Variants in UNC5B observed in about 807,000 individuals in gnomAD.
UNC5B encodes netrin receptor UNC5B.
UNC5B carries 56 observed loss-of-function variants against 103.7 expected under a neutral mutation model. The ratio of observed to expected loss-of-function variants is 0.54; its 90% CI spans 0.44 to 0.67. The LOEUF (loss-of-function observed/expected upper bound fraction) is 0.67. Ranked by LOEUF, UNC5B falls within the 30% of genes least tolerant of loss-of-function variation. The probability of loss-of-function intolerance (pLI) is 0.00; values close to 1 mark genes in which losing one functional copy is unlikely to be tolerated. For missense variants in UNC5B, 1,194 were observed against 1,284.5 expected (o/e 0.93, Z 1.08); for synonymous variants, 577 against 542.0 (o/e 1.06, Z -0.90).
At chr10:71,260,559 G>A (rs1844394118) in intron 1 of UNC5B, among the ~76,000 whole-genome samples, 1 of 152,230 alleles carries the variant, frequency 6.6e-6, no homozygotes, top group African/African-American at 2.4e-5. Flanking sequence ...CAGGGCCCTT[G>A]GTCATCTGGG....
chr10:71,227,008 G>A (rs111863040), intron 1 of UNC5B, among the ~76,000 whole-genome samples: 2,167 of 143,880 alleles, frequency 0.015, 25 homozygotes, highest in Middle Eastern at 0.034. Context: ...TCCTTGAAAC[G>A]GAGTCTTGCT....
rs376626017 is a variant in UNC5B at position 71,298,007 on chromosome 10, C to T, written c.2589C>T (p.Arg863=). Residue 863 remains arginine (R), a synonymous_variant, in exon 16 of 17, where the codon CGC becomes CGT. Transcript: ENST00000335350. ...PYAFKIPLSI[R]QKICNSLDAP... is the part of the protein sequence containing the mutation. ...CCTTCAAGATCCCACTGTCCATCCG[C>T]CAGAAGATATGCAACAGCCTAGATG... The T allele has an allele frequency of 1.2e-6, 2 of 1,614,036 alleles. No individual in the cohort carries two copies. The highest frequency in any genetic ancestry group is 1.7e-6 in the Non-Finnish European group (2 of 1,180,026).
chr10:71,234,965 C>G (rs1039751852), intron 1 of UNC5B, among the ~76,000 whole-genome samples: 2 of 152,176 alleles, frequency 1.3e-5, no homozygotes, highest in African/African-American at 4.8e-5. Context: ...GATAGATTCC[C>G]ACTGGTCTCC....
chr10:71,292,715 G>A (rs188066276), intron 11 of UNC5B, among the ~76,000 whole-genome samples, 161 bp downstream of exon 11: 23 of 152,308 alleles, frequency 1.5e-4, no homozygotes, highest in East Asian at 3.9e-4. Flanking sequence ...AACCAACACC[G>A]TAAATTGTAA....
rs1357071333 is a variant in UNC5B at position 71,300,514 on chromosome 10, C to T, written c.*1237C>T. 6.6e-6 allele frequency: 1 copy of T among 152,342 alleles called. No homozygotes were observed. Among genetic ancestry groups the T allele is most frequent in the African/African-American group, 2.4e-5 (1 of 41,456 alleles). 9.4% of individuals were successfully genotyped at this position (152,342 alleles called of 1,614,324 possible). ...GGGAGTCCTCCACGGGCATCTCTCT[C>T]CTGGCGGCTGGATAGCTTTACCCTA... is the stretch of plus-strand genomic sequence containing the variant. On this transcript the variant is annotated 3_prime_UTR_variant, in exon 17 of 17. Coordinates refer to ENST00000335350, the MANE Select transcript of UNC5B (RefSeq NM_170744.5).
intron 1 of UNC5B, among the ~76,000 whole-genome samples, chr10:71,223,306 C>G (rs80342704): frequency 0.011 from 1,665 of 152,330 alleles, 14 homozygotes; most frequent in Non-Finnish European, 0.017. Context: ...TCAGGCCTTA[C>G]TCACCCGAGA....
chr10:71,227,405 T>C (rs147997280), intron 1 of UNC5B, among the ~76,000 whole-genome samples: 267 of 151,056 alleles, frequency 1.8e-3, no homozygotes, highest in South Asian at 3.1e-3. Flanking sequence ...TAATGGACTT[T>C]AGGGAGATGG....
intron 1 of UNC5B, among the ~76,000 whole-genome samples, chr10:71,240,404 A>G (rs1843873107): frequency 6.6e-6 from 1 of 152,236 alleles, no homozygotes; most frequent in African/African-American, 2.4e-5. Flanking sequence ...CAGTAACCCC[A>G]GGAAGGAAGG....
chr10:71,250,397 G>T (rs934841689), intron 1 of UNC5B, among the ~76,000 whole-genome samples: 14 of 152,366 alleles, frequency 9.2e-5, no homozygotes, highest in African/African-American at 3.4e-4. Context: ...GGCCTGGCTT[G>T]GGTGTGTGGA....
intron 15 of UNC5B, among the ~76,000 whole-genome samples, chr10:71,296,943 G>A (rs958041978): frequency 1.4e-5 from 2 of 139,138 alleles, no homozygotes; most frequent in Admixed American, 7.1e-5. Flanking sequence ...GCTGGCGGAG[G>A]TGAGGGAAGG....
chr10:71,227,627 T>TAC (rs1843592666), intron 1 of UNC5B, among the ~76,000 whole-genome samples: 1 of 144,648 alleles, frequency 6.9e-6, no homozygotes, highest in African/African-American at 2.6e-5. Context: ...TATACATATA[T>TAC]ACATATATAT....
At chr10:71,245,146 G>C (rs74145395) in intron 1 of UNC5B, among the ~76,000 whole-genome samples, 4,050 of 152,230 alleles carry the variant, frequency 0.027, 169 homozygotes, top group African/African-American at 0.088. Context: ...GACCACTTTT[G>C]AAAAGATTTC....
chr10:71,287,637 G>T lies in UNC5B; in HGVS notation c.773G>T (p.Cys258Phe). Reference protein sequence around the residue: ...GWSSWAEWSPCSNRCGRGWQK... With the variant: ...GWSSWAEWSPFSNRCGRGWQK... ...TCCAGCTGGGCAGAGTGGTCACCCTGCTCCAACCGCTGTGGCCGAGGCTGG... is the reference window on the plus strand; with the variant it reads ...TCCAGCTGGGCAGAGTGGTCACCCTTCTCCAACCGCTGTGGCCGAGGCTGG... The change falls in exon 6 of 17, where the codon TGC (cysteine) becomes TTC (phenylalanine). Residue 258 changes from cysteine (C) to phenylalanine (F), a missense_variant. Physicochemically the swap from Cys to Phe is radical, Grantham distance 205. Transcript: ENST00000335350. The T allele has an allele frequency of 6.2e-7, 1 of 1,611,518 alleles. No homozygotes were observed. Among genetic ancestry groups the T allele is most frequent in the Non-Finnish European group, 8.5e-7 (1 of 1,179,118 alleles).
intron 1 of UNC5B, among the ~76,000 whole-genome samples, chr10:71,271,742 TTCA>T: frequency 6.6e-6 from 1 of 152,268 alleles, no homozygotes; most frequent in East Asian, 1.9e-4. Context: ...AGGGAGACGT[TTCA>T]CAGGAGCAGA....
intron 1 of UNC5B, among the ~76,000 whole-genome samples, chr10:71,220,759 C>T (rs568914331): frequency 3.0e-4 from 46 of 152,312 alleles, no homozygotes; most frequent in African/African-American, 1.1e-3. Context: ...CAGCCTGCCC[C>T]GGAGAGAGCC....
At chr10:71,220,493 G>A (rs954546666) in intron 1 of UNC5B, among the ~76,000 whole-genome samples, 5 of 152,120 alleles carry the variant, frequency 3.3e-5, no homozygotes, top group Admixed American at 6.5e-5. Flanking sequence ...CCTTAGCTGC[G>A]GGTGCAGAAG....
chr10:71,297,796 A>G, intron 15 of UNC5B, 113 bp from the exon 16 acceptor site: 1 of 1,210,972 alleles, frequency 8.3e-7, no homozygotes, highest in Non-Finnish European at 1.1e-6. Flanking sequence ...GAGTCTGTCC[A>G]GAGGAGGTGG....
At chr10:71,266,658 G>T (rs1483205767) in intron 1 of UNC5B, among the ~76,000 whole-genome samples, 2 of 152,204 alleles carry the variant, frequency 1.3e-5, no homozygotes, top group Non-Finnish European at 2.9e-5. Context: ...GGAGGCTGGG[G>T]CAGGGGTGGA....
chr10:71,269,202 ACT>A (rs1229363611), intron 1 of UNC5B, among the ~76,000 whole-genome samples: 1 of 152,000 alleles, frequency 6.6e-6, no homozygotes, highest in Non-Finnish European at 1.5e-5. Flanking sequence ...ATCCAGTGTA[ACT>A]CAGCTGGGGT....
Sources: allele counts gnomAD v4.1 joint callset (sites outside exome capture counted in the v4.1 genomes callset), GRCh38; gene constraint gnomAD v4.1.1; transcripts MANE v1.5; gene names NCBI Gene and HGNC (gene_info 2026-07-23, HGNC 2026-07-21).